VAV2: variants seen among roughly 807,000 people sequenced by gnomAD.
VAV2 encodes guanine nucleotide exchange factor VAV2.
VAV2 carries 67 observed loss-of-function variants against 132.5 expected under a neutral mutation model. The ratio of observed to expected loss-of-function variants is 0.51; its 90% CI spans 0.42 to 0.62. The LOEUF (loss-of-function observed/expected upper bound fraction) is 0.62, where lower values mean the gene tolerates loss of function less well. VAV2 is among the 20% of genes least tolerant of loss of function. The pLI is 0.00. For missense variants in VAV2, 938 were observed against 1,153.6 expected (o/e 0.81, Z 2.71); for synonymous variants, 492 against 443.5 (o/e 1.11, Z -1.37).
At chr9:133,814,187 A>G (rs927082049) in intron 4 of VAV2, among the ~76,000 whole-genome samples, 1 of 151,684 alleles carries the variant, frequency 6.6e-6, no homozygotes, top group Non-Finnish European at 1.5e-5. Flanking sequence ...TTTTCTTACT[A>G]ACCCATCTCA....
At chr9:133,938,781 C>T (rs1486430515) in intron 2 of VAV2, among the ~76,000 whole-genome samples, 1 of 152,180 alleles carries the variant, frequency 6.6e-6, no homozygotes, top group Non-Finnish European at 1.5e-5. Flanking sequence ...TGCTCAGCAT[C>T]CCCTGGCTAG....
At chr9:133,903,597 A>G (rs7039465) in intron 2 of VAV2, among the ~76,000 whole-genome samples, 21,138 of 152,234 alleles carry the variant, frequency 0.14, 1,843 homozygotes, top group African/African-American at 0.26. Flanking sequence ...AAAGTCGGAC[A>G]TGGCCTCAGC....
rs555030846 is a variant in VAV2 at position 133,918,751 on chromosome 9, C to T, written c.321+20352G>A. ...GCTCCTAAGCCTCCCAAGAAGCAGC[C>T]GCCATGTGTGTGTGTGTGTTTGTTT... On this transcript the variant is annotated intron_variant, in intron 2 of 29. Coordinates refer to ENST00000371850, the MANE Select transcript of VAV2 (RefSeq NM_001134398.2). This position sits in a 1 kb window ranked among gnomAD's most constrained non-coding sequence, Gnocchi z 4.7. Among the ~76,000 whole-genome samples, 155 of 143,532 alleles carry T rather than the reference C, an allele frequency of 1.1e-3. 1 individual carries two copies. In the Middle Eastern group the frequency reaches 0.031, roughly 29 times the overall value. The allele number at this position is 143,532 out of a possible 152,430, so 94.2% of individuals were successfully genotyped here. A position where few individuals can be genotyped will look rare whatever the true frequency, so the allele number is the denominator to read the frequency against.
At chr9:133,915,186 G>A (rs2810507) in intron 2 of VAV2, among the ~76,000 whole-genome samples, 2,026 of 152,238 alleles carry the variant, frequency 0.013, 30 homozygotes, top group Non-Finnish European at 0.022. Flanking sequence ...CATTGGCTCT[G>A]GGGACATCAG....
Position 133,794,206 on chromosome 9 carries a change from C to T in VAV2, c.1101+1462G>A, listed in dbSNP as rs1359194958. On this transcript the variant is annotated intron_variant, in intron 12 of 29. Coordinates refer to ENST00000371850, the MANE Select transcript of VAV2 (RefSeq NM_001134398.2). The surrounding 1 kb of genome is among the most constrained non-coding windows in gnomAD (Gnocchi z 4.6). The stretch of plus-strand genomic sequence containing the variant: ...GACGCATCCACGCTGGCTCACACAC[C>T]GTGGCTCACAGCAGACAGGCCAGAG... Among the ~76,000 whole-genome samples, 3 of 152,268 alleles carry T rather than the reference C, an allele frequency of 2.0e-5. No individual in the cohort carries two copies. Among genetic ancestry groups the T allele is most frequent in the Non-Finnish European group, 2.9e-5 (2 of 68,030 alleles).
chr9:133,810,590 TG>T (rs145355226), intron 5 of VAV2, among the ~76,000 whole-genome samples: 2,049 of 152,218 alleles, frequency 0.013, 33 homozygotes, highest in African/African-American at 0.047. Flanking sequence ...AGCCCCTGCC[TG>T]GATGGACTGG....
At chr9:133,808,596 G>A (rs748990717) in intron 7 of VAV2, among the ~76,000 whole-genome samples, 6 of 152,210 alleles carry the variant, frequency 3.9e-5, no homozygotes, top group Non-Finnish European at 8.8e-5. Flanking sequence ...CTGCAGCTCT[G>A]GTCACTAGGC....
At position 133,956,486 on chromosome 9, in the gene VAV2, T is replaced by C. The variant is rs551324828; in HGVS notation, c.205-17267A>G. 3.8e-3 allele frequency among the ~76,000 whole-genome samples: 572 copies of C among 152,350 alleles called. 4 individuals carry two copies. The highest frequency in any genetic ancestry group is 6.5e-3 in the Non-Finnish European group (442 of 68,036). ...TTGTTTTGTTTCGTTTTGTTTTTTT[T>C]CCAACGAGTAGACATTACTTTTAGA... On this transcript the variant is annotated intron_variant, in intron 1 of 29. Coordinates refer to ENST00000371850, the MANE Select transcript of VAV2 (RefSeq NM_001134398.2).
In VAV2 at chr9:133,912,262, C is replaced by A. The variant is rs568979723; in HGVS notation, c.321+26841G>T. ...ACAAAACAGACAAACCAGAAACCTA[C>A]GGCATCAGGACACCGTCACCGGAGG... On this transcript the variant is annotated intron_variant, in intron 2 of 29. Coordinates refer to ENST00000371850, the MANE Select transcript of VAV2 (RefSeq NM_001134398.2). This position sits in a 1 kb window ranked among gnomAD's most constrained non-coding sequence, Gnocchi z 4.3. 6.6e-6 allele frequency among the ~76,000 whole-genome samples: 1 copy of A among 152,150 alleles called. No homozygotes were observed. The highest frequency in any genetic ancestry group is 6.5e-5 in the Admixed American group (1 of 15,276).
Position 133,854,444 on chromosome 9 carries a change from C to T in VAV2, c.380+6930G>A, listed in dbSNP as rs140454034. On this transcript the variant is annotated intron_variant, in intron 3 of 29. Transcript: ENST00000371850. ...CGAATGCAAAAGAGGAGCAGTGGTGCGAATGAGGCAGTGACCATGCCAGGC... is the reference window on the plus strand; with the variant it reads ...CGAATGCAAAAGAGGAGCAGTGGTGTGAATGAGGCAGTGACCATGCCAGGC... Among the ~76,000 whole-genome samples the T allele has an allele frequency of 2.1e-3, 317 of 152,350 alleles. 6 individuals carry two copies. The highest frequency in any genetic ancestry group is 7.2e-3 in the African/African-American group (298 of 41,586).
At chr9:133,784,292 G>A (rs1410971144) in intron 18 of VAV2, 25 bp downstream of exon 18, 10 of 1,609,050 alleles carry the variant, frequency 6.2e-6, no homozygotes, top group Non-Finnish European at 7.7e-6. Context: ...GCGAGGTGAG[G>A]GCTGTAGCAG....
At chr9:133,898,771 A>G (rs1463221704) in intron 2 of VAV2, among the ~76,000 whole-genome samples, 1 of 148,468 alleles carries the variant, frequency 6.7e-6, no homozygotes, top group African/African-American at 2.5e-5. Context: ...CCCTGGTCAG[A>G]GCCACCACAG....
intron 4 of VAV2, among the ~76,000 whole-genome samples, chr9:133,821,078 T>C (rs1361103245): frequency 1.3e-5 from 2 of 152,198 alleles, no homozygotes; most frequent in Non-Finnish European, 2.9e-5. Flanking sequence ...TGCAAGTGGC[T>C]CTGGAATCTC....
chr9:133,797,836 C>T lies in VAV2; in HGVS notation c.837-27G>A, dbSNP rs558375727. On this transcript the variant is annotated intron_variant, in intron 9 of 29. Transcript: ENST00000371850. ...TGGACGGTGCACACACACGCACACA[C>T]GCACACAGATTTAATGAGCAGCTCG... 1.4e-5 allele frequency: 23 copies of T among 1,605,950 alleles called. No individual in the cohort carries two copies. In the Admixed American group the frequency reaches 1.9e-4, roughly 13 times the overall value.
chr9:133,853,698 G>A (rs1837275100), intron 3 of VAV2, among the ~76,000 whole-genome samples: 1 of 152,036 alleles, frequency 6.6e-6, no homozygotes, highest in South Asian at 2.1e-4. Flanking sequence ...ATCAGCATTG[G>A]CATCCCTAAA....
At chr9:133,972,967 G>A (rs76994096) in intron 1 of VAV2, among the ~76,000 whole-genome samples, 1,610 of 152,288 alleles carry the variant, frequency 0.011, 22 homozygotes, top group African/African-American at 0.034. Flanking sequence ...CTTTGAAGAT[G>A]CTAAGGGAAG....
At chr9:133,867,943 C>A (rs568218091) in intron 2 of VAV2, among the ~76,000 whole-genome samples, 1 of 152,230 alleles carries the variant, frequency 6.6e-6, no homozygotes, top group Admixed American at 6.5e-5. Flanking sequence ...ACACCGCCTA[C>A]AGGAATTGCT....
intron 3 of VAV2, among the ~76,000 whole-genome samples, chr9:133,843,003 T>C (rs1042689524): frequency 1.3e-5 from 2 of 152,194 alleles, no homozygotes; most frequent in African/African-American, 4.8e-5. Context: ...GCTTCGCTTA[T>C]TAGAAACGGT....
At chr9:133,789,774 G>A (rs1035897408) in intron 13 of VAV2, among the ~76,000 whole-genome samples, 2 of 152,238 alleles carry the variant, frequency 1.3e-5, no homozygotes, top group African/African-American at 2.4e-5. Flanking sequence ...CAAGGGTGAG[G>A]CTTCGACTCA....
Sources: allele counts gnomAD v4.1 joint callset (sites outside exome capture counted in the v4.1 genomes callset), GRCh38; gene constraint gnomAD v4.1.1; non-coding constraint Gnocchi (gnomAD v3.1); transcripts MANE v1.5; gene names NCBI Gene and HGNC (gene_info 2026-07-23, HGNC 2026-07-21).